Variants in SMYD3 observed in about 807,000 individuals in gnomAD.
SMYD3 encodes the protein histone-lysine N-methyltransferase SMYD3.
SMYD3 carries 36 observed loss-of-function variants against 57.7 expected under a neutral mutation model. That is an observed-to-expected ratio of 0.62 (90% confidence interval 0.48 to 0.82). The LOEUF is 0.82. Ranked by LOEUF, SMYD3 falls within the 40% of genes least tolerant of loss-of-function variation. The probability of loss-of-function intolerance (pLI) is 0.00; values close to 1 mark genes in which losing one functional copy is unlikely to be tolerated. For synonymous variants in SMYD3, 211 were observed against 195.0 expected, an observed-to-expected ratio of 1.08 and a Z score of -0.68; for missense variants, 515 against 538.8, an observed-to-expected ratio of 0.96 and a Z score of 0.44.
At position 245,839,310 on chromosome 1, in the gene SMYD3, C is replaced by G. The variant is rs537850249; in HGVS notation, c.1076+19186G>C. On this transcript the variant is annotated intron_variant, in intron 10 of 11. Transcript: ENST00000490107. The stretch of plus-strand genomic sequence containing the variant: ...TCAGCCTCCCACGTAGCTGGGACTA[C>G]AGGTGCCTGCCACAGCGCCCAGCTA... Among the ~76,000 whole-genome samples the G allele has an allele frequency of 2.6e-5, 4 of 152,292 alleles. No homozygotes were observed. In the South Asian group the frequency reaches 8.3e-4, roughly 32 times the overall value.
chr1:245,971,675 C>G (rs61839384), intron 5 of SMYD3, among the ~76,000 whole-genome samples: 38,030 of 152,076 alleles, frequency 0.25, 5,441 homozygotes, highest in East Asian at 0.62. Flanking sequence ...CTCTAAATCT[C>G]TGGAGCCTAC....
At chr1:245,749,728 C>A (rs1287117657) in intron 11 of SMYD3, 64 bp from the exon 12 acceptor site, 1 of 1,309,844 alleles carries the variant, frequency 7.6e-7, no homozygotes. Context: ...CATTCCCCAC[C>A]TTTACCCCAT....
At chr1:246,152,600 C>T (rs1471967736) in intron 5 of SMYD3, among the ~76,000 whole-genome samples, 2 of 152,172 alleles carry the variant, frequency 1.3e-5, no homozygotes, top group East Asian at 3.9e-4. Context: ...TAATTTCATT[C>T]TAAAGAGCAG....
chr1:245,809,046 C>G (rs1248549445), intron 10 of SMYD3, among the ~76,000 whole-genome samples: 1 of 152,184 alleles, frequency 6.6e-6, no homozygotes, highest in Non-Finnish European at 1.5e-5. Context: ...TGAGCCACTG[C>G]TCCTGGCCGG....
chr1:245,809,553 A>T (rs368931939), intron 10 of SMYD3, among the ~76,000 whole-genome samples: 3 of 152,370 alleles, frequency 2.0e-5, no homozygotes, highest in African/African-American at 7.2e-5. Flanking sequence ...GCAGCTGGTC[A>T]TACAGACAAA....
At chr1:245,850,609 G>C (rs2050918385) in intron 10 of SMYD3, among the ~76,000 whole-genome samples, 1 of 152,156 alleles carries the variant, frequency 6.6e-6, no homozygotes, top group Non-Finnish European at 1.5e-5. Context: ...GCTGAGGTGG[G>C]AGGAACACTT....
chr1:246,340,583 A>G (rs1257665867), intron 2 of SMYD3, among the ~76,000 whole-genome samples: 1 of 152,154 alleles, frequency 6.6e-6, no homozygotes, highest in Non-Finnish European at 1.5e-5. Flanking sequence ...AGCATCTAGG[A>G]TTTGGGGAAA....
At chr1:246,215,000 T>TA (rs1315029584) in intron 5 of SMYD3, among the ~76,000 whole-genome samples, 1 of 152,166 alleles carries the variant, frequency 6.6e-6, no homozygotes, top group Non-Finnish European at 1.5e-5. Context: ...TTTACCTCTC[T>TA]AAAAAATGCT....
chr1:246,242,039 G>A (rs184441887), intron 5 of SMYD3, among the ~76,000 whole-genome samples: 20 of 151,820 alleles, frequency 1.3e-4, no homozygotes, highest in East Asian at 3.9e-4. Flanking sequence ...CCAAAAAACC[G>A]GCTCCTGGAT....
At chr1:246,048,978 G>C (rs921487617) in intron 5 of SMYD3, among the ~76,000 whole-genome samples, 2 of 152,146 alleles carry the variant, frequency 1.3e-5, no homozygotes, top group African/African-American at 4.8e-5. Flanking sequence ...GCGAGACTGG[G>C]TTTGGACTGT....
chr1:246,157,595 A>G (rs1018246551), intron 5 of SMYD3, among the ~76,000 whole-genome samples: 1 of 152,196 alleles, frequency 6.6e-6, no homozygotes, highest in African/African-American at 2.4e-5. Flanking sequence ...TCACCTGGAT[A>G]GCCTGTCCTA....
intron 1 of SMYD3, among the ~76,000 whole-genome samples, chr1:246,462,632 C>T (rs905405408): frequency 6.6e-6 from 1 of 152,196 alleles, no homozygotes; most frequent in Non-Finnish European, 1.5e-5. Context: ...CTGAAACAAA[C>T]TCAGCCTGGA....
chr1:245,849,372 C>T (rs1350718925), intron 10 of SMYD3, among the ~76,000 whole-genome samples: 1 of 152,262 alleles, frequency 6.6e-6, no homozygotes, highest in East Asian at 1.9e-4. Flanking sequence ...GGATATTTTA[C>T]ACCGTGCTTT....
intron 5 of SMYD3, among the ~76,000 whole-genome samples, chr1:246,019,259 A>G (rs963555229): frequency 6.6e-6 from 1 of 152,230 alleles, no homozygotes. Flanking sequence ...GCAAAGGCCT[A>G]GGATACTGCT....
rs1207999367 is a variant in SMYD3 at position 245,749,435 on chromosome 1, T to C, written c.*128A>G. The C allele has an allele frequency of 3.1e-6, 2 of 649,640 alleles. No individual in the cohort carries two copies. The highest frequency in any genetic ancestry group is 2.6e-6 in the Non-Finnish European group (1 of 377,952). The allele number at this position is 649,640 out of a possible 1,614,324, so 40.2% of individuals were successfully genotyped here. ...TTTGCAAACCATGTCTGCCTTTATT[T>C]ACCTACACAAACACGGAACAGAATT... is the stretch of plus-strand genomic sequence containing the variant. On this transcript the variant is annotated 3_prime_UTR_variant, in exon 12 of 12. Transcript: ENST00000490107.
At chr1:246,473,005 T>C (rs1009610477) in intron 1 of SMYD3, among the ~76,000 whole-genome samples, 3 of 151,866 alleles carry the variant, frequency 2.0e-5, no homozygotes, top group Admixed American at 1.3e-4. Context: ...TACAGGCACA[T>C]GCCACCACAC....
chr1:246,104,666 A>C (rs997398455), intron 5 of SMYD3, among the ~76,000 whole-genome samples: 4 of 152,206 alleles, frequency 2.6e-5, no homozygotes, highest in Non-Finnish European at 5.9e-5. Context: ...GCCTTTCGCG[A>C]GACAGTTTAA....
At chr1:246,428,152 C>T (rs1333356973) in intron 1 of SMYD3, among the ~76,000 whole-genome samples, 4 of 152,158 alleles carry the variant, frequency 2.6e-5, no homozygotes, top group Non-Finnish European at 5.9e-5. Context: ...CTCTTGTAAA[C>T]ACCCTCGGAT....
At chr1:245,860,979 C>T (rs2051513549) in intron 9 of SMYD3, among the ~76,000 whole-genome samples, 1 of 152,196 alleles carries the variant, frequency 6.6e-6, no homozygotes, top group African/African-American at 2.4e-5. Context: ...TTCGAGGTGA[C>T]AGGCCTTAGA....
Sources: allele counts gnomAD v4.1 joint callset (sites outside exome capture counted in the v4.1 genomes callset), GRCh38; gene constraint gnomAD v4.1.1; transcripts MANE v1.5; gene names NCBI Gene and HGNC (gene_info 2026-07-23, HGNC 2026-07-21).